The following FEM1B variants were observed in gnomAD, a reference collection of about 807,000 sequenced individuals.
FEM1B encodes protein fem-1 homolog B.
In FEM1B, 10 loss-of-function variants were observed where a neutral mutation model predicts 38.6. The ratio of observed to expected loss-of-function variants is 0.26; its 90% CI spans 0.16 to 0.44. The LOEUF is 0.44. Among genes scored for constraint, FEM1B ranks in the 20% least tolerant of loss-of-function variants. The pLI is 1.00. For synonymous variants in FEM1B, 288 were observed against 288.0 expected (o/e 1.00, Z 0.00); for missense variants, 471 against 786.7 (o/e 0.60, Z 4.80).
At position 68,295,697 on chromosome 15, in the gene FEM1B, A is replaced by G. The variant is rs1327915375; in HGVS notation, c.*4455A>G. 3.2e-4 allele frequency: 48 copies of G among 152,198 alleles called. No homozygotes were observed. The highest frequency in any genetic ancestry group is 3.1e-3 in the Admixed American group (48 of 15,272). 9.4% of individuals were successfully genotyped at this position (152,198 alleles called of 1,614,324 possible). A position where few individuals can be genotyped will look rare whatever the true frequency, so the allele number is the denominator to read the frequency against. On this transcript the variant is annotated 3_prime_UTR_variant, in exon 2 of 2. Coordinates refer to ENST00000306917, the MANE Select transcript of FEM1B (RefSeq NM_015322.5). ...TTGCTGACTGCACCAGAGGTCCATTAGTGATTTATATATTGCATGACATTT... is the reference window on the plus strand; with the variant it reads ...TTGCTGACTGCACCAGAGGTCCATTGGTGATTTATATATTGCATGACATTT...
Position 68,295,808 on chromosome 15 carries a change from C to T in FEM1B, c.*4566C>T, listed in dbSNP as rs1201574691. 6.6e-6 allele frequency: 1 copy of T among 152,064 alleles called. No individual in the cohort carries two copies. Among genetic ancestry groups the T allele is most frequent in the Non-Finnish European group, 1.5e-5 (1 of 68,016 alleles). The allele number at this position is 152,064 out of a possible 1,614,324, so 9.4% of individuals were successfully genotyped here. ...ACTCAGCTAATTTGAAACTAACAAT[C>T]TTGCTGTGTAAAAGGAAAAAATGGT... On this transcript the variant is annotated 3_prime_UTR_variant, in exon 2 of 2. Coordinates refer to ENST00000306917, the MANE Select transcript of FEM1B (RefSeq NM_015322.5).
rs1441455962 is a variant in FEM1B at position 68,281,589 on chromosome 15, C to G, written c.248+2924C>G. Reference sequence around the variant, plus strand: ...CCTCGAGGGGAAAGGGACCACCCACCTAGATTAAGCCATTGATATTTGAGT... The same window carrying G: ...CCTCGAGGGGAAAGGGACCACCCACGTAGATTAAGCCATTGATATTTGAGT... On this transcript the variant is annotated intron_variant, in intron 1 of 1. Transcript: ENST00000306917. The surrounding 1 kb of genome is among the most constrained non-coding windows in gnomAD (Gnocchi z 5.1). Among the ~76,000 whole-genome samples, 1 of 152,112 alleles carries G rather than the reference C, an allele frequency of 6.6e-6. No individual in the cohort carries two copies.
At chr15:68,282,988 A>G (rs751270545) in intron 1 of FEM1B, among the ~76,000 whole-genome samples, 1 of 152,176 alleles carries the variant, frequency 6.6e-6, no homozygotes, top group Non-Finnish European at 1.5e-5. Context: ...AATATCTTTA[A>G]AATTTTTAAT....
chr15:68,290,596 G>A lies in FEM1B; in HGVS notation c.1238G>A (p.Cys413Tyr). 1 of 1,614,216 alleles carries A rather than the reference G, an allele frequency of 6.2e-7. No homozygotes were observed. The highest frequency in any genetic ancestry group is 8.5e-7 in the Non-Finnish European group (1 of 1,180,042). Residue 413 changes from cysteine (C) to tyrosine (Y), a missense_variant, in exon 2 of 2, where the codon TGC becomes TAC. By Grantham distance (194) the Cys-to-Tyr change is radical (BLOSUM62 -2). Transcript: ENST00000306917. This position sits in a 1 kb window ranked among gnomAD's most constrained non-coding sequence, Gnocchi z 9.7. Reference sequence around the variant, plus strand: ...CCAGACATAGAATGTGTTTTGAGATGCAGTGTTTTGGAAATAGAACAAAGT... The same window carrying A: ...CCAGACATAGAATGTGTTTTGAGATACAGTGTTTTGGAAATAGAACAAAGT... ...KAPDIECVLRCSVLEIEQSMN... is the reference protein window; with the variant it reads ...KAPDIECVLRYSVLEIEQSMN...
rs1160345921 is a variant in FEM1B, at chr15:68,288,182, A to G, written c.249-1425A>G. 1.3e-5 allele frequency among the ~76,000 whole-genome samples: 2 copies of G among 152,186 alleles called. No individual in the cohort carries two copies. The highest frequency in any genetic ancestry group is 1.3e-4 in the Admixed American group (2 of 15,274). ...TTCATTCACAAGTGGAGGAGCCCTC[A>G]TGACCTAATCACCTCTTCAAGACAT... On this transcript the variant is annotated intron_variant, in intron 1 of 1. Coordinates refer to ENST00000306917, the MANE Select transcript of FEM1B (RefSeq NM_015322.5). This position sits in a 1 kb window ranked among gnomAD's most constrained non-coding sequence, Gnocchi z 4.6.
rs1892870568 is a variant in FEM1B at position 68,293,614 on chromosome 15, A to G, written c.*2372A>G. 6.7e-6 allele frequency: 1 copy of G among 150,252 alleles called. No homozygotes were observed. The highest frequency in any genetic ancestry group is 2.1e-4 in the South Asian group (1 of 4,828). 9.3% of individuals were successfully genotyped at this position (150,252 alleles called of 1,614,324 possible). A position where few individuals can be genotyped will look rare whatever the true frequency, so the allele number is the denominator to read the frequency against. ...TGGTAATTAGATTTTTTGTTTGTTT[A>G]GTATAGTGGTAAATTGTGTAGTATC... On this transcript the variant is annotated 3_prime_UTR_variant, in exon 2 of 2. Transcript: ENST00000306917. The surrounding 1 kb of genome is among the most constrained non-coding windows in gnomAD (Gnocchi z 5.8).
rs764266300 is a variant in FEM1B at position 68,289,429 on chromosome 15, A to G, written c.249-178A>G. On this transcript the variant is annotated intron_variant, in intron 1 of 1. Transcript: ENST00000306917. This position sits in a 1 kb window ranked among gnomAD's most constrained non-coding sequence, Gnocchi z 6.9. ...GCTAGCATATATTGAGCTTTATATT[A>G]GGTACAAGTACTATGCAAAGTGCTT... 3.4e-6 allele frequency: 2 copies of G among 595,884 alleles called. No homozygotes were observed. Among genetic ancestry groups the G allele is most frequent in the Non-Finnish European group, 6.0e-6 (2 of 335,622 alleles). The allele number at this position is 595,884 out of a possible 1,614,324, so 36.9% of individuals were successfully genotyped here.
intron 1 of FEM1B, among the ~76,000 whole-genome samples, chr15:68,285,784 AGCCCCCCC>A (rs1298625631): frequency 2.0e-5 from 3 of 150,244 alleles, no homozygotes; most frequent in Admixed American, 1.3e-4. Context: ...TCCTCTTCTT[AGCCCCCCC>A]GCAGTGCTGG....
intron 1 of FEM1B, among the ~76,000 whole-genome samples, chr15:68,286,383 C>T (rs542115998): frequency 1.6e-4 from 24 of 152,030 alleles, no homozygotes; most frequent in Non-Finnish European, 3.2e-4. Flanking sequence ...TCTTTCTCTC[C>T]TTCCCATTTT....
chr15:68,290,741 A>G lies in FEM1B; in HGVS notation c.1383A>G (p.Glu461=). The change falls in exon 2 of 2, where the codon GAA becomes GAG. Residue 461 remains glutamate, a synonymous_variant. Transcript: ENST00000306917. The surrounding 1 kb of genome is among the most constrained non-coding windows in gnomAD (Gnocchi z 9.7). ...TCTCTACCAAAACACAGTGCAGCGA[A>G]GAAGATCAGTGCAAAATTAACAAGC... ...VCISTKTQCS[E]EDQCKINKQI... is the part of the protein sequence containing the mutation. 6.2e-7 allele frequency: 1 copy of G among 1,614,116 alleles called. No homozygotes were observed. The highest frequency in any genetic ancestry group is 8.5e-7 in the Non-Finnish European group (1 of 1,179,980).
intron 1 of FEM1B, among the ~76,000 whole-genome samples, chr15:68,285,743 A>C (rs1189526835): frequency 6.7e-6 from 1 of 150,162 alleles, no homozygotes; most frequent in Non-Finnish European, 1.5e-5. Context: ...TGTGTCGCGC[A>C]GGCTGGTCTT....
chr15:68,283,502 T>TAAAAAAAAAAAAAAAAA lies in FEM1B; in HGVS notation c.248+4851_248+4867dup, dbSNP rs60432847. Among the ~76,000 whole-genome samples, 5 of 71,966 alleles carry TAAAAAAAAAAAAAAAAA rather than the reference T, an allele frequency of 6.9e-5. 1 individual carries two copies. The highest frequency in any genetic ancestry group is 3.2e-4 in the African/African-American group (5 of 15,476). 47.2% of individuals were successfully genotyped at this position (71,966 alleles called of 152,430 possible). A position where few individuals can be genotyped will look rare whatever the true frequency, so the allele number is the denominator to read the frequency against. ...AACATAGTGAGACCTCATCTCTACC[T>TAAAAAAAAAAAAAAAAA]AAAAAAAAAAAAAAAAAAAAAAAAA... On this transcript the variant is annotated intron_variant, in intron 1 of 1. Coordinates refer to ENST00000306917, the MANE Select transcript of FEM1B (RefSeq NM_015322.5).
rs58268546 is a variant in FEM1B, at chr15:68,286,474, TCACACACACACA to T, written c.249-3120_249-3109del. Among the ~76,000 whole-genome samples, 10 of 149,722 alleles carry T rather than the reference TCACACACACACA, an allele frequency of 6.7e-5. No individual in the cohort carries two copies. The South Asian group carries it at 1.7e-3, about 25-fold the overall frequency. On this transcript the variant is annotated intron_variant, in intron 1 of 1. Transcript: ENST00000306917. Reference sequence around the variant, plus strand: ...TCATTGTAGCCTCGACCTCTTGGACTCACACACACACACACACACACACATATACCACACAAC... The same window carrying T: ...TCATTGTAGCCTCGACCTCTTGGACTCACACACACACATATACCACACAAC...
chr15:68,283,155 T>A (rs974431440), intron 1 of FEM1B, among the ~76,000 whole-genome samples: 4 of 152,160 alleles, frequency 2.6e-5, no homozygotes, highest in Non-Finnish European at 4.4e-5. Flanking sequence ...ACTTGTAATT[T>A]AATTTTTACT....
In FEM1B at chr15:68,293,355, T is replaced by C. The variant is rs1006149927; in HGVS notation, c.*2113T>C. 4 of 152,228 alleles carry C rather than the reference T, an allele frequency of 2.6e-5. No individual in the cohort carries two copies. The highest frequency in any genetic ancestry group is 6.5e-5 in the Admixed American group (1 of 15,282). 9.4% of individuals were successfully genotyped at this position (152,228 alleles called of 1,614,324 possible). ...ACTTAAAATATCAGATAATGTTGCATGTTTTAAAAACACATTTCATCCCTT... is the reference window on the plus strand; with the variant it reads ...ACTTAAAATATCAGATAATGTTGCACGTTTTAAAAACACATTTCATCCCTT... On this transcript the variant is annotated 3_prime_UTR_variant, in exon 2 of 2. Coordinates refer to ENST00000306917, the MANE Select transcript of FEM1B (RefSeq NM_015322.5). This position sits in a 1 kb window ranked among gnomAD's most constrained non-coding sequence, Gnocchi z 5.8.
At position 68,278,298 on chromosome 15, in the gene FEM1B, CGGCGCCCTGTTGAATG is replaced by C; in HGVS notation, c.-116_-101del. 1.5e-6 allele frequency: 2 copies of C among 1,346,170 alleles called. No individual in the cohort carries two copies. Among genetic ancestry groups the C allele is most frequent in the Non-Finnish European group, 2.0e-6 (2 of 1,007,970 alleles). 83.4% of individuals were successfully genotyped at this position (1,346,170 alleles called of 1,614,324 possible). A position where few individuals can be genotyped will look rare whatever the true frequency, so the allele number is the denominator to read the frequency against. On this transcript the variant is annotated 5_prime_UTR_variant, in exon 1 of 2. The change abolishes an upstream ATG in the 5' untranslated region. Coordinates refer to ENST00000306917, the MANE Select transcript of FEM1B (RefSeq NM_015322.5). The surrounding 1 kb of genome is among the most constrained non-coding windows in gnomAD (Gnocchi z 5.7). Reference sequence around the variant, plus strand: ...TGCTGCCTGGGCGCGGCGGCGGCGACGGCGCCCTGTTGAATGGGCTGTGAGGGCCCAGGTTTAAAGC... The same window carrying C: ...TGCTGCCTGGGCGCGGCGGCGGCGACGGCTGTGAGGGCCCAGGTTTAAAGC...
chr15:68,278,459 G>T lies in FEM1B; in HGVS notation c.42G>T (p.Glu14Asp). The change falls in exon 1 of 2, where the codon GAG becomes GAT. Residue 14 changes from glutamate (E) to aspartate (D), a missense_variant. Glu to Asp is a conservative substitution (Grantham distance 45, BLOSUM62 2). This residue lies in a region of FEM1B where 91 missense variants were observed against 169.6 expected (regional missense o/e 0.54). Coordinates refer to ENST00000306917, the MANE Select transcript of FEM1B (RefSeq NM_015322.5). This position sits in a 1 kb window ranked among gnomAD's most constrained non-coding sequence, Gnocchi z 5.7. ...LAGYVYKAAS[E>D]GKVLTLAALL... The stretch of plus-strand genomic sequence containing the variant: ...GCTATGTATACAAGGCGGCCAGCGA[G>T]GGCAAGGTGCTGACTCTGGCCGCCT... 6.2e-7 allele frequency: 1 copy of T among 1,613,596 alleles called. No homozygotes were observed.
rs1892691734 is a variant in FEM1B, at chr15:68,278,730, C to T, written c.248+65C>T. ...GACTCGTTAATTCACGGGCCCTCCC[C>T]TCCCTCACCCTCTCTTACCCTCTCT... On this transcript the variant is annotated intron_variant, in intron 1 of 1. Coordinates refer to ENST00000306917, the MANE Select transcript of FEM1B (RefSeq NM_015322.5). The surrounding 1 kb of genome is among the most constrained non-coding windows in gnomAD (Gnocchi z 5.7). 1.3e-6 allele frequency: 2 copies of T among 1,583,888 alleles called. No individual in the cohort carries two copies. The highest frequency in any genetic ancestry group is 1.7e-5 in the Admixed American group (1 of 59,514).
chr15:68,278,520 C>T lies in FEM1B; in HGVS notation c.103C>T (p.Leu35=), dbSNP rs776309145. The change falls in exon 1 of 2, where the codon CTG becomes TTG. Residue 35 remains leucine, a synonymous_variant. Transcript: ENST00000306917. The surrounding 1 kb of genome is among the most constrained non-coding windows in gnomAD (Gnocchi z 5.7). The part of the protein sequence containing the change: ...LNRSESDIRY[L]LGYVSQQGGQ... ...CCGGTCTGAAAGCGACATCCGCTATCTGCTTGGCTATGTCAGCCAGCAGGG... is the reference window on the plus strand; with the variant it reads ...CCGGTCTGAAAGCGACATCCGCTATTTGCTTGGCTATGTCAGCCAGCAGGG... 7 of 1,614,108 alleles carry T rather than the reference C, an allele frequency of 4.3e-6. 1 individual carries two copies. In the South Asian group the frequency reaches 6.6e-5, roughly 15 times the overall value.
Sources: allele counts gnomAD v4.1 joint callset (sites outside exome capture counted in the v4.1 genomes callset), GRCh38; gene constraint gnomAD v4.1.1; regional missense constraint gnomAD v4.1.1; non-coding constraint Gnocchi (gnomAD v3.1); transcripts MANE v1.5; gene names NCBI Gene and HGNC (gene_info 2026-07-23, HGNC 2026-07-21).